Variants in FBXO42 observed in about 807,000 individuals in gnomAD.
FBXO42 encodes F-box protein 42.
In FBXO42, 12 loss-of-function variants were observed where a neutral mutation model predicts 71.7. That is an observed-to-expected ratio of 0.17 (90% CI 0.11 to 0.27). FBXO42 has a LOEUF of 0.27. Among genes scored for constraint, FBXO42 ranks in the 10% least tolerant of loss-of-function variants. The pLI is 1.00. For synonymous variants in FBXO42, 325 were observed against 327.5 expected (o/e 0.99, Z 0.08); for missense variants, 707 against 911.9 (o/e 0.78, Z 2.89).
intron 2 of FBXO42, among the ~76,000 whole-genome samples, chr1:16,307,695 A>G (rs2082267204): frequency 6.6e-6 from 1 of 152,184 alleles, no homozygotes; most frequent in South Asian, 2.1e-4. Flanking sequence ...ACACATATAC[A>G]TTCGCACCAA....
intron 4 of FBXO42, among the ~76,000 whole-genome samples, chr1:16,284,394 C>A (rs2081999602): frequency 6.6e-6 from 1 of 152,194 alleles, no homozygotes; most frequent in Non-Finnish European, 1.5e-5. Context: ...ATGTTCTTAT[C>A]TCAGGCCAAT....
chr1:16,254,570 C>T (rs1176192651), intron 6 of FBXO42, among the ~76,000 whole-genome samples: 2 of 152,188 alleles, frequency 1.3e-5, no homozygotes, highest in Non-Finnish European at 2.9e-5. Flanking sequence ...AATAATAGTT[C>T]CAATATCTGA....
At chr1:16,284,675 C>CA (rs904682615) in intron 4 of FBXO42, among the ~76,000 whole-genome samples, 8 of 151,910 alleles carry the variant, frequency 5.3e-5, no homozygotes, top group Non-Finnish European at 7.4e-5. Context: ...ACTAAAAATA[C>CA]AAAAAAATTA....
chr1:16,289,865 T>C (rs986693691), intron 4 of FBXO42, among the ~76,000 whole-genome samples: 3 of 152,118 alleles, frequency 2.0e-5, no homozygotes, highest in African/African-American at 7.2e-5. Flanking sequence ...CAGGGAGCTG[T>C]GACTGTGCCA....
intron 1 of FBXO42, among the ~76,000 whole-genome samples, chr1:16,329,720 C>G (rs2082480670): frequency 6.6e-6 from 1 of 151,766 alleles, no homozygotes; most frequent in Non-Finnish European, 1.5e-5. Context: ...GAGACCGAGG[C>G]AGGCAGATCA....
chr1:16,314,898 A>G (rs1444823173), intron 2 of FBXO42, among the ~76,000 whole-genome samples: 1 of 151,978 alleles, frequency 6.6e-6, no homozygotes, highest in South Asian at 2.1e-4. Flanking sequence ...AAAAAAAAAG[A>G]AAAGAACAAT....
intron 1 of FBXO42, among the ~76,000 whole-genome samples, chr1:16,331,343 A>G (rs2100609063): frequency 6.6e-6 from 1 of 151,746 alleles, no homozygotes; most frequent in East Asian, 1.9e-4. Context: ...AACCCGGGGG[A>G]GGCAGAGCTT....
At chr1:16,255,324 T>C (rs1239122038) in intron 6 of FBXO42, among the ~76,000 whole-genome samples, 4 of 150,052 alleles carry the variant, frequency 2.7e-5, no homozygotes, top group Non-Finnish European at 5.9e-5. Context: ...TCAGGAATAC[T>C]GACCCTAACT....
At chr1:16,319,864 T>C (rs927988123) in intron 1 of FBXO42, among the ~76,000 whole-genome samples, 4 of 151,280 alleles carry the variant, frequency 2.6e-5, no homozygotes, top group African/African-American at 7.3e-5. Context: ...TGAGCCGAGA[T>C]TGCGCCACTG....
chr1:16,345,964 C>T (rs758414693), intron 1 of FBXO42, among the ~76,000 whole-genome samples: 1 of 151,872 alleles, frequency 6.6e-6, no homozygotes, highest in Non-Finnish European at 1.5e-5. Flanking sequence ...AATAAGGAAG[C>T]ACTCCAAGAC....
intron 1 of FBXO42, among the ~76,000 whole-genome samples, chr1:16,351,880 C>G (rs1463607399): frequency 1.3e-5 from 2 of 152,126 alleles, no homozygotes; most frequent in South Asian, 2.1e-4. Flanking sequence ...GATGGGCACC[C>G]GACCCCCGAC....
intron 4 of FBXO42, among the ~76,000 whole-genome samples, chr1:16,265,425 T>A (rs2081760931): frequency 6.6e-6 from 1 of 152,228 alleles, no homozygotes; most frequent in Admixed American, 6.5e-5. Flanking sequence ...GCTATTATCA[T>A]TTTTTAGTAT....
intron 3 of FBXO42, among the ~76,000 whole-genome samples, chr1:16,302,450 C>T (rs147835300): frequency 7.9e-5 from 12 of 152,146 alleles, no homozygotes; most frequent in Non-Finnish European, 1.6e-4. Context: ...TGGTAGAAGG[C>T]AAAGGAGAAT....
intron 1 of FBXO42, among the ~76,000 whole-genome samples, chr1:16,327,927 C>G (rs2082464354): frequency 6.6e-6 from 1 of 152,172 alleles, no homozygotes; most frequent in Admixed American, 6.6e-5. Flanking sequence ...TCTCAAACTC[C>G]TGACCTCAAG....
chr1:16,274,588 G>GTTTTT (rs533547281), intron 4 of FBXO42, among the ~76,000 whole-genome samples: 4 of 53,502 alleles, frequency 7.5e-5, no homozygotes, highest in Non-Finnish European at 9.5e-5. Flanking sequence ...TTATGCCCCC[G>GTTTTT]TTTTTTTTTT....
chr1:16,342,856 A>G lies in FBXO42; in HGVS notation c.-18+9399T>C, dbSNP rs116069091. ...TAGTGAGTGAGTTCTGGCTCTCCGA[A>G]ACTAGATTAGTTCCTGGGAGAGTAG... On this transcript the variant is annotated intron_variant, in intron 1 of 9. Transcript: ENST00000375592. Among the ~76,000 whole-genome samples, 1,012 of 152,058 alleles carry G rather than the reference A, an allele frequency of 6.7e-3. 13 individuals carry two copies. The highest frequency in any genetic ancestry group is 0.023 in the African/African-American group (963 of 41,470).
At chr1:16,313,320 AAAACAAAGAAAG>A (rs1165969390) in intron 2 of FBXO42, among the ~76,000 whole-genome samples, 22 of 110,224 alleles carry the variant, frequency 2.0e-4, no homozygotes, top group African/African-American at 8.6e-4. Flanking sequence ...AAGAGAAAAG[AAAACAAAGAAAG>A]AAAGAAAGAA....
At chr1:16,283,878 A>G (rs1415934345) in intron 4 of FBXO42, among the ~76,000 whole-genome samples, 1 of 151,906 alleles carries the variant, frequency 6.6e-6, no homozygotes, top group East Asian at 1.9e-4. Context: ...AAATCAGAAT[A>G]CTCCAGTTTT....
In FBXO42 at chr1:16,252,715, A is replaced by G. The variant is rs2081605740; in HGVS notation, c.922-311T>C. ...GATTGAAGGAGAGGATAAATAATAC[A>G]TATCCACAACTTTCTGAATCTGCTT... On this transcript the variant is annotated intron_variant, in intron 8 of 9. Transcript: ENST00000375592. This position sits in a 1 kb window ranked among gnomAD's most constrained non-coding sequence, Gnocchi z 4.4. Among the ~76,000 whole-genome samples the G allele has an allele frequency of 6.6e-6, 1 of 152,238 alleles. No homozygotes were observed.
Sources: gnomAD v4.1 joint callset for allele counts (sites outside exome capture counted in the v4.1 genomes callset) on GRCh38, gnomAD v4.1.1 for gene constraint, Gnocchi (gnomAD v3.1) non-coding constraint, MANE v1.5 for transcripts, NCBI Gene and HGNC (gene_info 2026-07-23, HGNC 2026-07-21) for gene names.